Variants in ADAM9 observed in about 807,000 individuals in gnomAD.
ADAM9 encodes the protein ADAM metallopeptidase domain 9, also known as disintegrin and metalloproteinase domain-containing protein 9.
Under a neutral mutation model 108.1 loss-of-function variants are expected in ADAM9, and 54 were observed. That is an observed-to-expected ratio of 0.50 (90% confidence interval 0.40 to 0.63). The LOEUF (loss-of-function observed/expected upper bound fraction) is 0.63. Among genes scored for constraint, ADAM9 ranks in the 20% least tolerant of loss-of-function variants. ADAM9 has a pLI of 0.00. For missense variants in ADAM9, 830 were observed against 997.7 expected (o/e 0.83, Z 2.26); for synonymous variants, 316 against 336.0 (o/e 0.94, Z 0.65).
intron 18 of ADAM9, among the ~76,000 whole-genome samples, chr8:39,088,302 G>T (rs1197721458): frequency 2.0e-5 from 3 of 149,694 alleles, no homozygotes; most frequent in Non-Finnish European, 4.4e-5. Flanking sequence ...GTCTCGCTCT[G>T]TTGCCCACGC....
intron 1 of ADAM9, among the ~76,000 whole-genome samples, chr8:39,000,755 C>T (rs1588315424): frequency 6.6e-6 from 1 of 152,172 alleles, no homozygotes; most frequent in Admixed American, 6.5e-5. Context: ...GTGTGAACCA[C>T]CACACCTGGC....
At chr8:39,088,409 C>T (rs1839243544) in intron 18 of ADAM9, among the ~76,000 whole-genome samples, 1 of 152,026 alleles carries the variant, frequency 6.6e-6, no homozygotes, top group Non-Finnish European at 1.5e-5. Context: ...CGCCTGCCAC[C>T]ACGCCCAGCT....
intron 15 of ADAM9, among the ~76,000 whole-genome samples, chr8:39,075,538 A>C (rs1430785919): frequency 1.3e-5 from 2 of 152,214 alleles, no homozygotes; most frequent in East Asian, 3.8e-4. Flanking sequence ...GTGAATGAGC[A>C]TCTCAGTTTT....
At chr8:39,061,678 C>T (rs1412196921) in intron 14 of ADAM9, among the ~76,000 whole-genome samples, 1 of 151,532 alleles carries the variant, frequency 6.6e-6, no homozygotes, top group South Asian at 2.1e-4. Context: ...TGATGAGGGT[C>T]GTTTTGCTGA....
intron 12 of ADAM9, among the ~76,000 whole-genome samples, chr8:39,046,780 T>A (rs1309003297): frequency 6.6e-6 from 1 of 152,110 alleles, no homozygotes. Context: ...ATTAAATTTT[T>A]TTTTTTTTGA....
chr8:39,032,577 C>T (rs1008313761), intron 11 of ADAM9, among the ~76,000 whole-genome samples: 21 of 152,256 alleles, frequency 1.4e-4, no homozygotes, highest in South Asian at 2.1e-4. Flanking sequence ...CAGTCTGTCA[C>T]GGCTTCCCTT....
At chr8:39,045,509 TGTAC>T (rs1344626810) in intron 12 of ADAM9, among the ~76,000 whole-genome samples, 12 of 148,820 alleles carry the variant, frequency 8.1e-5, no homozygotes, top group African/African-American at 2.7e-4. Context: ...CATATGTGTG[TGTAC>T]ATACATATAT....
chr8:39,057,470 C>G (rs1838163155), intron 14 of ADAM9, among the ~76,000 whole-genome samples: 7 of 142,470 alleles, frequency 4.9e-5, no homozygotes, highest in Admixed American at 3.8e-4. Context: ...TGCGTAATAG[C>G]ATGAGCCCAT....
chr8:39,018,831 A>T, intron 6 of ADAM9, 22 bp from the exon 7 acceptor site: 1 of 1,612,696 alleles, frequency 6.2e-7, no homozygotes, highest in Non-Finnish European at 8.5e-7. Context: ...TTTTGCCTTT[A>T]TGATGTTTGT....
At chr8:39,045,351 TACATACATATAG>T (rs1837682387) in intron 12 of ADAM9, among the ~76,000 whole-genome samples, 6 of 121,166 alleles carry the variant, frequency 5.0e-5, no homozygotes, top group Admixed American at 1.7e-4. Flanking sequence ...TACATGTGTG[TACATACATATAG>T]GTGTGTGTAC....
rs768011201 is a variant in ADAM9, at chr8:39,011,662, C to T, written c.200C>T (p.Ser67Phe). The T allele has an allele frequency of 1.9e-6, 3 of 1,609,614 alleles. No homozygotes were observed. Among genetic ancestry groups the T allele is most frequent in the Admixed American group, 3.3e-5 (2 of 59,990 alleles). ...TTTCCCCTTCTGTGCATTTAGGTAT[C>T]TTATGTTATTCAGGCTGAAGGAAAA... Reference protein sequence around the residue: ...EAPRPYSKQVSYVIQAEGKEH... With the variant: ...EAPRPYSKQVFYVIQAEGKEH... The change falls in exon 3 of 22, where the codon TCT becomes TTT. Residue 67 changes from serine (S) to phenylalanine (F), a missense_variant. Ser to Phe is a radical substitution (Grantham distance 155, BLOSUM62 -2). Transcript: ENST00000487273.
At chr8:39,054,210 A>G (rs1478547725) in intron 12 of ADAM9, among the ~76,000 whole-genome samples, 1 of 152,204 alleles carries the variant, frequency 6.6e-6, no homozygotes, top group Non-Finnish European at 1.5e-5. Flanking sequence ...AAATTTCTGC[A>G]GTTTAAACCT....
intron 18 of ADAM9, among the ~76,000 whole-genome samples, chr8:39,087,492 G>A (rs994549677): frequency 8.5e-5 from 13 of 152,084 alleles, no homozygotes; most frequent in Non-Finnish European, 1.6e-4. Context: ...CATTTAGATT[G>A]TTTCTAAGGT....
intron 1 of ADAM9, among the ~76,000 whole-genome samples, chr8:39,002,621 A>G (rs1270667700): frequency 6.6e-6 from 1 of 152,034 alleles, no homozygotes; most frequent in African/African-American, 2.4e-5. Context: ...GTGCCCGGCC[A>G]CAATTAGGTA....
intron 21 of ADAM9, among the ~76,000 whole-genome samples, chr8:39,103,339 T>C (rs1407711222): frequency 6.6e-6 from 1 of 150,454 alleles, no homozygotes; most frequent in Non-Finnish European, 1.5e-5. Flanking sequence ...TCATGTGCTT[T>C]TTTTTTTTTT....
intron 15 of ADAM9, among the ~76,000 whole-genome samples, chr8:39,072,276 T>C (rs1457867576): frequency 6.6e-6 from 1 of 152,214 alleles, no homozygotes; most frequent in Non-Finnish European, 1.5e-5. Flanking sequence ...GTTGGAATTA[T>C]TCTGTAATAT....
chr8:39,104,749 T>A lies in ADAM9; in HGVS notation c.*1049T>A, dbSNP rs1222574560. 1 of 453,800 alleles carries A rather than the reference T, an allele frequency of 2.2e-6. No individual in the cohort carries two copies. Among genetic ancestry groups the A allele is most frequent in the Non-Finnish European group, 4.4e-6 (1 of 226,616 alleles). The allele number at this position is 453,800 out of a possible 1,614,324, so 28.1% of individuals were successfully genotyped here. ...AGAAGGAAGAAATGGTTTTCTTAAA[T>A]ACCTACAAAAAAGTTACTGTGGTAT... On this transcript the variant is annotated 3_prime_UTR_variant, in exon 22 of 22. Transcript: ENST00000487273.
At chr8:39,092,152 AT>A (rs1432270410) in intron 20 of ADAM9, among the ~76,000 whole-genome samples, 1 of 152,098 alleles carries the variant, frequency 6.6e-6, no homozygotes, top group African/African-American at 2.4e-5. Context: ...GCAATATGTA[AT>A]TTTTTAATGT....
chr8:39,051,725 A>AT (rs1373327596), intron 12 of ADAM9, among the ~76,000 whole-genome samples: 1 of 151,912 alleles, frequency 6.6e-6, no homozygotes, highest in African/African-American at 2.4e-5. Context: ...TTGTGTGCAG[A>AT]TTTTTTTCTA....
Sources: gnomAD v4.1 joint callset for allele counts (sites outside exome capture counted in the v4.1 genomes callset) on GRCh38, gnomAD v4.1.1 for gene constraint, MANE v1.5 for transcripts, NCBI Gene and HGNC (gene_info 2026-07-23, HGNC 2026-07-21) for gene names.